TBCK: variants seen among roughly 807,000 people sequenced by gnomAD.
TBCK encodes TBC domain-containing protein kinase-like protein.
In TBCK, 99 loss-of-function variants were observed where a neutral mutation model predicts 113.4. That is an observed-to-expected ratio of 0.87 (90% CI 0.74 to 1.03). The LOEUF is 1.03. TBCK is among the 50% of genes least tolerant of loss of function. TBCK has a pLI of 0.00. For missense variants in TBCK, 1,045 were observed against 1,061.3 expected, an observed-to-expected ratio of 0.98 and a Z score of 0.21; for synonymous variants, 369 against 370.8, an observed-to-expected ratio of 1.00 and a Z score of 0.05.
At chr4:106,213,947 T>A (rs533141114) in intron 19 of TBCK, among the ~76,000 whole-genome samples, 164 of 152,246 alleles carry the variant, frequency 1.1e-3, no homozygotes, top group African/African-American at 3.7e-3. Context: ...AGCAGTAACC[T>A]CTGCAGACTT....
chr4:106,311,200 T>TACACACACAC (rs36011277), intron 1 of TBCK, among the ~76,000 whole-genome samples: 9 of 138,288 alleles, frequency 6.5e-5, no homozygotes, highest in South Asian at 2.5e-4. Flanking sequence ...CAGAAACTCC[T>TACACACACAC]ACACACACAC....
intron 5 of TBCK, among the ~76,000 whole-genome samples, chr4:106,257,630 T>C (rs1290488515): frequency 1.3e-5 from 2 of 152,110 alleles, no homozygotes; most frequent in African/African-American, 2.4e-5. Context: ...AAATTCGTAT[T>C]GTGTTATTTT....
chr4:106,193,591 A>G lies in TBCK; in HGVS notation c.2059+18T>C, dbSNP rs772379025. ...TAGTCAAATTTCATTTAATGGCTCC[A>G]TTTATTTAGATCTATACCTGGTAAA... is the stretch of plus-strand genomic sequence containing the variant. On this transcript the variant is annotated intron_variant, in intron 22 of 25. Transcript: ENST00000394708. 1 of 1,610,544 alleles carries G rather than the reference A, an allele frequency of 6.2e-7. No homozygotes were observed. The highest frequency in any genetic ancestry group is 8.5e-7 in the Non-Finnish European group (1 of 1,178,526).
intron 2 of TBCK, among the ~76,000 whole-genome samples, chr4:106,304,439 T>C (rs763154941): frequency 6.6e-6 from 1 of 152,210 alleles, no homozygotes; most frequent in Non-Finnish European, 1.5e-5. Flanking sequence ...CAACAGATTG[T>C]ACAAACATTA....
chr4:106,242,973 T>C (rs955126042), intron 11 of TBCK, among the ~76,000 whole-genome samples: 7 of 151,378 alleles, frequency 4.6e-5, no homozygotes, highest in Admixed American at 6.6e-5. Context: ...TTTGGTTTTT[T>C]GTTCTTGCGA....
chr4:106,217,983 A>C (rs1757175121), intron 19 of TBCK, among the ~76,000 whole-genome samples: 1 of 144,776 alleles, frequency 6.9e-6, no homozygotes, highest in Admixed American at 6.8e-5. Context: ...ACAAGGCTAC[A>C]GTAACCAAAA....
At chr4:106,089,848 C>T (rs917592642) in intron 25 of TBCK, among the ~76,000 whole-genome samples, 1 of 152,188 alleles carries the variant, frequency 6.6e-6, no homozygotes, top group African/African-American at 2.4e-5. Context: ...CAGGTTTGTC[C>T]CTGTGGCTTT....
intron 22 of TBCK, among the ~76,000 whole-genome samples, chr4:106,181,799 CATG>C (rs1752423706): frequency 6.6e-6 from 1 of 152,088 alleles, no homozygotes; most frequent in Non-Finnish European, 1.5e-5. Context: ...AGTCAGGAAG[CATG>C]ATGCCTCCAG....
intron 20 of TBCK, among the ~76,000 whole-genome samples, chr4:106,209,743 T>C (rs1755918913): frequency 6.6e-6 from 1 of 152,166 alleles, no homozygotes; most frequent in African/African-American, 2.4e-5. Context: ...TAGCTTCTAT[T>C]AATATCACTA....
At chr4:106,132,486 G>C (rs962234428) in intron 23 of TBCK, among the ~76,000 whole-genome samples, 2 of 152,250 alleles carry the variant, frequency 1.3e-5, no homozygotes, top group African/African-American at 4.8e-5. Flanking sequence ...AGATTTCAGA[G>C]GATGTTTGAG....
At chr4:106,208,667 G>T (rs1041656446) in intron 20 of TBCK, among the ~76,000 whole-genome samples, 4 of 152,046 alleles carry the variant, frequency 2.6e-5, no homozygotes, top group African/African-American at 9.7e-5. Flanking sequence ...TCTTGGACAT[G>T]GGAAAAGAAC....
intron 25 of TBCK, among the ~76,000 whole-genome samples, chr4:106,065,667 T>C (rs919331950): frequency 6.6e-6 from 1 of 152,032 alleles, no homozygotes; most frequent in African/African-American, 2.4e-5. Flanking sequence ...CATTAGAGAT[T>C]ATCTGATTTT....
intron 12 of TBCK, among the ~76,000 whole-genome samples, chr4:106,239,417 A>G (rs1759834640): frequency 6.6e-6 from 1 of 152,128 alleles, no homozygotes; most frequent in Non-Finnish European, 1.5e-5. Context: ...TCATTCCTTC[A>G]TTTAGTTATT....
At chr4:106,253,615 T>C (rs1001596838) in intron 5 of TBCK, among the ~76,000 whole-genome samples, 2 of 152,232 alleles carry the variant, frequency 1.3e-5, no homozygotes. Flanking sequence ...CAACACTTGA[T>C]ATTTGACAGA....
At chr4:106,307,589 T>C (rs907003862) in intron 2 of TBCK, among the ~76,000 whole-genome samples, 7 of 152,100 alleles carry the variant, frequency 4.6e-5, no homozygotes, top group Non-Finnish European at 1.0e-4. Context: ...TAATATTAGG[T>C]TGAAACACAT....
intron 23 of TBCK, among the ~76,000 whole-genome samples, chr4:106,119,389 C>A (rs1433908673): frequency 2.6e-5 from 4 of 152,010 alleles, no homozygotes; most frequent in African/African-American, 9.7e-5. Context: ...CTTGACAAAG[C>A]CACCAAGAAC....
At chr4:106,092,490 C>T (rs1056567958) in intron 25 of TBCK, among the ~76,000 whole-genome samples, 9 of 152,328 alleles carry the variant, frequency 5.9e-5, no homozygotes, top group South Asian at 2.1e-4. Context: ...CAGGAGCCCA[C>T]GGTGGGTTGG....
intron 23 of TBCK, among the ~76,000 whole-genome samples, chr4:106,144,451 G>T (rs1489081224): frequency 7.2e-5 from 11 of 152,096 alleles, no homozygotes; most frequent in Non-Finnish European, 1.6e-4. Context: ...AATTGGAAAA[G>T]ATGCAGTCCA....
intron 3 of TBCK, among the ~76,000 whole-genome samples, chr4:106,284,466 T>A (rs1231927226): frequency 6.6e-6 from 1 of 152,136 alleles, no homozygotes; most frequent in Non-Finnish European, 1.5e-5. Context: ...AGACATAGTC[T>A]GCTTCCCATC....
Sources: gnomAD v4.1 joint callset for allele counts (sites outside exome capture counted in the v4.1 genomes callset) on GRCh38, gnomAD v4.1.1 for gene constraint, MANE v1.5 for transcripts, NCBI Gene and HGNC (gene_info 2026-07-23, HGNC 2026-07-21) for gene names.